The following TBCK variants were observed in gnomAD, a reference collection of about 807,000 sequenced individuals.
The protein encoded by TBCK is TBC1 domain containing kinase, also known as TBC domain-containing protein kinase-like protein.
In TBCK, 99 loss-of-function variants were observed where a neutral mutation model predicts 113.4. That is an observed-to-expected ratio of 0.87 (90% CI 0.74 to 1.03). The LOEUF (loss-of-function observed/expected upper bound fraction) is 1.03. TBCK is among the 50% of genes least tolerant of loss of function. TBCK has a pLI of 0.00. For synonymous variants in TBCK, 369 were observed against 370.8 expected, an observed-to-expected ratio of 1.00 and a Z score of 0.05; for missense variants, 1,045 against 1,061.3, an observed-to-expected ratio of 0.98 and a Z score of 0.21.
At chr4:106,062,222 G>A (rs1736135808) in intron 25 of TBCK, among the ~76,000 whole-genome samples, 1 of 151,820 alleles carries the variant, frequency 6.6e-6, no homozygotes, top group Non-Finnish European at 1.5e-5. Context: ...TGGCTATGTG[G>A]AAATTTTTTT....
Position 106,116,498 on chromosome 4 carries a change from A to G in TBCK, c.2236-120T>C, listed in dbSNP as rs79026220. 0.24 allele frequency: 200,014 copies of G among 836,226 alleles called. 25,299 individuals carry two copies. Among genetic ancestry groups the G allele is most frequent in the South Asian group, 0.27 (14,191 of 51,778 alleles). 51.8% of individuals were successfully genotyped at this position (836,226 alleles called of 1,614,324 possible). On this transcript the variant is annotated intron_variant, in intron 23 of 25. Transcript: ENST00000394708. Reference sequence around the variant, plus strand: ...CATATAAGAGAAGAGGAAACTATCTAATTTTCACAGTCTATTGTGTAATTC... The same window carrying G: ...CATATAAGAGAAGAGGAAACTATCTGATTTTCACAGTCTATTGTGTAATTC...
At chr4:106,282,374 T>C (rs942244499) in intron 3 of TBCK, among the ~76,000 whole-genome samples, 2 of 152,066 alleles carry the variant, frequency 1.3e-5, no homozygotes, top group Non-Finnish European at 2.9e-5. Context: ...ACTAATATTT[T>C]CTATTATTTC....
intron 17 of TBCK, among the ~76,000 whole-genome samples, chr4:106,232,118 G>A (rs1758919683): frequency 6.6e-6 from 1 of 151,532 alleles, no homozygotes; most frequent in Admixed American, 6.6e-5. Context: ...ACATCTTCTG[G>A]CATACTTTCT....
intron 3 of TBCK, among the ~76,000 whole-genome samples, chr4:106,282,674 T>C (rs963704619): frequency 3.9e-5 from 6 of 152,114 alleles, no homozygotes; most frequent in African/African-American, 1.2e-4. Context: ...CCCCCTTTAT[T>C]AGTCTGTTCT....
chr4:106,125,063 A>C (rs1027815945), intron 23 of TBCK, among the ~76,000 whole-genome samples: 1 of 152,094 alleles, frequency 6.6e-6, no homozygotes, highest in Non-Finnish European at 1.5e-5. Flanking sequence ...GTTATCAAAA[A>C]GGCAAAAAGC....
chr4:106,285,409 G>A (rs1332264858), intron 3 of TBCK, among the ~76,000 whole-genome samples: 1 of 151,866 alleles, frequency 6.6e-6, no homozygotes, highest in Non-Finnish European at 1.5e-5. Context: ...TATTCCCATA[G>A]TAGTAGCAAA....
At chr4:106,244,798 A>G (rs201405010) in intron 10 of TBCK, 34 bp from the exon 11 acceptor site, 10 of 1,360,164 alleles carry the variant, frequency 7.4e-6, no homozygotes, top group Middle Eastern at 1.9e-4. Context: ...TCATTGTATT[A>G]TATTTTCTAC....
chr4:106,121,206 A>C (rs1466956871), intron 23 of TBCK, among the ~76,000 whole-genome samples: 1 of 151,864 alleles, frequency 6.6e-6, no homozygotes, highest in Non-Finnish European at 1.5e-5. Flanking sequence ...AAAACAAAAA[A>C]AGGCAGGGGT....
chr4:106,143,025 A>G (rs1279748321), intron 23 of TBCK, among the ~76,000 whole-genome samples: 2 of 152,238 alleles, frequency 1.3e-5, no homozygotes, highest in African/African-American at 4.8e-5. Context: ...TAAGTGAAAT[A>G]CTATATCCTA....
chr4:106,205,863 T>C (rs191460758), intron 20 of TBCK, among the ~76,000 whole-genome samples: 62 of 151,878 alleles, frequency 4.1e-4, no homozygotes, highest in Non-Finnish European at 7.5e-4. Flanking sequence ...TGAGGTCACA[T>C]TTTCTTCATA....
chr4:106,047,474 C>T (rs1373693700), intron 25 of TBCK, among the ~76,000 whole-genome samples: 1 of 152,126 alleles, frequency 6.6e-6, no homozygotes, highest in African/African-American at 2.4e-5. Flanking sequence ...ATTCCTGTCC[C>T]CTCTTTAGCG....
intron 22 of TBCK, among the ~76,000 whole-genome samples, chr4:106,187,593 T>C (rs1753173171): frequency 6.6e-6 from 1 of 152,050 alleles, no homozygotes; most frequent in Non-Finnish European, 1.5e-5. Context: ...ATTTTGTATT[T>C]TTAGTAGAGA....
intron 2 of TBCK, among the ~76,000 whole-genome samples, chr4:106,307,846 CACT>C (rs1767691252): frequency 1.3e-5 from 2 of 152,026 alleles, no homozygotes; most frequent in African/African-American, 4.8e-5. Flanking sequence ...AACCTGATTA[CACT>C]ACTAAAAACG....
chr4:106,274,545 CATT>C (rs986588565), intron 3 of TBCK, among the ~76,000 whole-genome samples: 2 of 152,102 alleles, frequency 1.3e-5, no homozygotes, highest in African/African-American at 4.8e-5. Context: ...ACCTTAAAAA[CATT>C]ATGCTAAGTG....
intron 20 of TBCK, among the ~76,000 whole-genome samples, chr4:106,199,414 G>C (rs1754626330): frequency 6.6e-6 from 1 of 151,856 alleles, no homozygotes; most frequent in Non-Finnish European, 1.5e-5. Flanking sequence ...CTCTCAACCT[G>C]GAGTGTCCCA....
chr4:106,302,456 G>A (rs1767050412), intron 2 of TBCK, among the ~76,000 whole-genome samples: 1 of 152,170 alleles, frequency 6.6e-6, no homozygotes, highest in South Asian at 2.1e-4. Context: ...CTAATTCGGT[G>A]TTTATAGAGG....
chr4:106,279,843 G>A (rs964194293), intron 3 of TBCK, among the ~76,000 whole-genome samples: 2 of 152,090 alleles, frequency 1.3e-5, no homozygotes, highest in Non-Finnish European at 2.9e-5. Flanking sequence ...TTAATGGACA[G>A]TTAGGTTGCT....
At chr4:106,252,174 C>T (rs920859101) in intron 5 of TBCK, among the ~76,000 whole-genome samples, 167 bp from the exon 6 acceptor site, 1 of 151,904 alleles carries the variant, frequency 6.6e-6, no homozygotes, top group Non-Finnish European at 1.5e-5. Flanking sequence ...ACTTTAATGT[C>T]AAGGAATCAA....
At chr4:106,115,271 A>T (rs1480047342) in intron 24 of TBCK, among the ~76,000 whole-genome samples, 1 of 152,210 alleles carries the variant, frequency 6.6e-6, no homozygotes, top group Admixed American at 6.5e-5. Flanking sequence ...TACTCATTAG[A>T]GCCTTTTGGA....
Sources: allele counts gnomAD v4.1 joint callset (sites outside exome capture counted in the v4.1 genomes callset), GRCh38; gene constraint gnomAD v4.1.1; transcripts MANE v1.5; gene names NCBI Gene and HGNC (gene_info 2026-07-23, HGNC 2026-07-21).